The following ELF1 variants were observed in gnomAD, a reference collection of about 807,000 sequenced individuals.
The protein encoded by ELF1 is E74 like ETS transcription factor 1, also known as ETS-related transcription factor Elf-1.
Under a neutral mutation model 59.9 loss-of-function variants are expected in ELF1, and 24 were observed. The ratio of observed to expected loss-of-function variants is 0.40; its 90% CI spans 0.29 to 0.56. The LOEUF (loss-of-function observed/expected upper bound fraction) is 0.56, where lower values mean the gene tolerates loss of function less well. ELF1 is among the 20% of genes least tolerant of loss of function. The pLI is 0.44. For synonymous variants in ELF1, 248 were observed against 266.2 expected, an observed-to-expected ratio of 0.93 and a Z score of 0.67; for missense variants, 627 against 742.2, an observed-to-expected ratio of 0.84 and a Z score of 1.80.
At chr13:41,037,221 T>C (rs190771755) in intron 1 of ELF1, among the ~76,000 whole-genome samples, 49 of 152,248 alleles carry the variant, frequency 3.2e-4, no homozygotes, top group Admixed American at 2.7e-3. Flanking sequence ...TGCTAAGCGT[T>C]TTTAATGTTC....
At chr13:40,958,223 T>C (rs1871577107) in intron 3 of ELF1, among the ~76,000 whole-genome samples, 1 of 152,234 alleles carries the variant, frequency 6.6e-6, no homozygotes, top group Non-Finnish European at 1.5e-5. Context: ...TTAAAATATC[T>C]TACTAGTTCT....
chr13:40,980,679 A>T (rs1873206346), intron 2 of ELF1, among the ~76,000 whole-genome samples: 1 of 152,172 alleles, frequency 6.6e-6, no homozygotes. Context: ...ACCTCACCAC[A>T]TCAAGCCTAG....
At chr13:41,006,403 CT>C (rs1371436288) in intron 1 of ELF1, among the ~76,000 whole-genome samples, 1 of 152,256 alleles carries the variant, frequency 6.6e-6, no homozygotes, top group Admixed American at 6.5e-5. Context: ...CTCCCCTCCC[CT>C]ATCCTCTGGC....
At chr13:41,000,501 G>A (rs536841359) in intron 1 of ELF1, among the ~76,000 whole-genome samples, 18 of 151,996 alleles carry the variant, frequency 1.2e-4, no homozygotes, top group South Asian at 1.0e-3. Context: ...GATTACAGGC[G>A]TGAGCCACCA....
chr13:40,954,421 C>CTCTCCCTCTCCCCACGG (rs367634440), intron 3 of ELF1, among the ~76,000 whole-genome samples: 4 of 42,982 alleles, frequency 9.3e-5, no homozygotes, highest in East Asian at 5.6e-4. Context: ...AAGTGTGTAG[C>CTCTCCCTCTCCCCACGG]TCTCCCTCTC....
At chr13:40,980,227 G>GT (rs1873174419) in intron 2 of ELF1, among the ~76,000 whole-genome samples, 1 of 152,190 alleles carries the variant, frequency 6.6e-6, no homozygotes, top group African/African-American at 2.4e-5. Flanking sequence ...TTTACTGGCT[G>GT]TATGATTCCA....
At chr13:41,036,638 T>C (rs1315575036) in intron 1 of ELF1, among the ~76,000 whole-genome samples, 1 of 152,212 alleles carries the variant, frequency 6.6e-6, no homozygotes, top group Non-Finnish European at 1.5e-5. Flanking sequence ...CATGCTGCTA[T>C]GAAGACGCAT....
intron 1 of ELF1, among the ~76,000 whole-genome samples, chr13:40,983,736 G>A (rs1467778428): frequency 4.6e-5 from 7 of 151,986 alleles, no homozygotes; most frequent in Non-Finnish European, 1.0e-4. Context: ...AGATACATTT[G>A]GCCTTGTACT....
intron 1 of ELF1, among the ~76,000 whole-genome samples, chr13:41,037,769 CT>C (rs2138415993): frequency 6.6e-6 from 1 of 151,236 alleles, no homozygotes; most frequent in Non-Finnish European, 1.5e-5. Context: ...GCACTCCAGC[CT>C]GGGCGACTAA....
chr13:41,017,167 G>T (rs4278622), intron 1 of ELF1, among the ~76,000 whole-genome samples: 37 of 151,424 alleles, frequency 2.4e-4, no homozygotes, highest in African/African-American at 9.0e-4. Context: ...TGATGAAAAA[G>T]AAAACTACAT....
chr13:41,052,295 C>T (rs1198755608), intron 1 of ELF1, among the ~76,000 whole-genome samples: 1 of 152,070 alleles, frequency 6.6e-6, no homozygotes, highest in African/African-American at 2.4e-5. Flanking sequence ...GAAATGAACT[C>T]AGGAGTGAAC....
In ELF1 at chr13:40,982,172, T is replaced by C; in HGVS notation, c.-118A>G. 1 of 1,363,916 alleles carries C rather than the reference T, an allele frequency of 7.3e-7. No individual in the cohort carries two copies. Among genetic ancestry groups the C allele is most frequent in the Non-Finnish European group, 9.5e-7 (1 of 1,053,324 alleles). The allele number at this position is 1,363,916 out of a possible 1,614,324, so 84.5% of individuals were successfully genotyped here. On this transcript the variant is annotated 5_prime_UTR_variant, in exon 2 of 9. Coordinates refer to ENST00000239882, the MANE Select transcript of ELF1 (RefSeq NM_172373.4). ...CCCTCAGCTCTGTCTGTGGAGTAATTGTATACCCAAGTTTTCTTTAGGGAA... is the reference window on the plus strand; with the variant it reads ...CCCTCAGCTCTGTCTGTGGAGTAATCGTATACCCAAGTTTTCTTTAGGGAA...
intron 2 of ELF1, among the ~76,000 whole-genome samples, chr13:40,959,617 C>A (rs578225956): frequency 7.2e-5 from 11 of 152,042 alleles, no homozygotes; most frequent in African/African-American, 2.7e-4. Context: ...TTTGGCAAAA[C>A]AAAAAAATCT....
intron 2 of ELF1, among the ~76,000 whole-genome samples, chr13:40,960,592 T>G (rs75195989): frequency 6.6e-6 from 1 of 152,214 alleles, no homozygotes; most frequent in Non-Finnish European, 1.5e-5. Flanking sequence ...GGGATATTAA[T>G]TTTTAATATA....
chr13:41,007,673 T>C (rs930271503), intron 1 of ELF1, among the ~76,000 whole-genome samples: 2 of 152,218 alleles, frequency 1.3e-5, no homozygotes, highest in Non-Finnish European at 2.9e-5. Flanking sequence ...AAAAATACTG[T>C]GTTATAAGCT....
At chr13:40,965,482 G>T (rs1290508178) in intron 2 of ELF1, among the ~76,000 whole-genome samples, 1 of 152,072 alleles carries the variant, frequency 6.6e-6, no homozygotes, top group East Asian at 1.9e-4. Context: ...AATTAGCTGG[G>T]TGTGGTGGTG....
intron 7 of ELF1, among the ~76,000 whole-genome samples, chr13:40,942,002 T>C (rs544161989): frequency 2.6e-4 from 40 of 152,116 alleles, no homozygotes; most frequent in Non-Finnish European, 5.6e-4. Context: ...ACCAAAAGCC[T>C]CAAGAAATTG....
chr13:40,949,748 A>T, intron 5 of ELF1, 58 bp downstream of exon 5: 3 of 1,570,152 alleles, frequency 1.9e-6, no homozygotes, highest in Non-Finnish European at 2.6e-6. Flanking sequence ...AATAAAAGTG[A>T]TATCTAGATT....
At chr13:40,961,523 A>C (rs1871819361) in intron 2 of ELF1, among the ~76,000 whole-genome samples, 1 of 152,110 alleles carries the variant, frequency 6.6e-6, no homozygotes, top group Admixed American at 6.6e-5. Context: ...GTGAATACCT[A>C]CTGTACTTCA....
Sources: gnomAD v4.1 joint callset for allele counts (sites outside exome capture counted in the v4.1 genomes callset) on GRCh38, gnomAD v4.1.1 for gene constraint, MANE v1.5 for transcripts, NCBI Gene and HGNC (gene_info 2026-07-23, HGNC 2026-07-21) for gene names.